Variants in ST3GAL3 observed in about 807,000 individuals in gnomAD.
ST3GAL3 encodes the protein CMP-N-acetylneuraminate-beta-1,4-galactoside alpha-2,3-sialyltransferase.
Under a neutral mutation model 50.1 loss-of-function variants are expected in ST3GAL3, and 21 were observed. The observed-to-expected ratio is 0.42, with a 90% CI of 0.30 to 0.60. The LOEUF (loss-of-function observed/expected upper bound fraction) is 0.60, where lower values mean the gene tolerates loss of function less well. Among genes scored for constraint, ST3GAL3 ranks in the 20% least tolerant of loss-of-function variants. The pLI is 0.19. For missense variants in ST3GAL3, 353 were observed against 489.4 expected (o/e 0.72, Z 2.63); for synonymous variants, 183 against 190.0 (o/e 0.96, Z 0.30).
At chr1:43,910,847 T>G (rs953509154) in intron 9 of ST3GAL3, among the ~76,000 whole-genome samples, 7 of 152,214 alleles carry the variant, frequency 4.6e-5, no homozygotes, top group African/African-American at 7.2e-5. Context: ...GCATCTGCCC[T>G]GGGCCCCACT....
intron 5 of ST3GAL3, among the ~76,000 whole-genome samples, chr1:43,878,844 A>G (rs1265069861): frequency 2.0e-5 from 3 of 152,172 alleles, no homozygotes; most frequent in Non-Finnish European, 4.4e-5. Context: ...TCACTTACCA[A>G]ATATTTATTC....
chr1:43,819,743 G>A (rs1021594463), intron 4 of ST3GAL3, among the ~76,000 whole-genome samples: 2 of 152,138 alleles, frequency 1.3e-5, no homozygotes, highest in African/African-American at 4.8e-5. Flanking sequence ...AGTGAGCATA[G>A]TACTCAACAG....
chr1:43,771,390 C>T lies in ST3GAL3; in HGVS notation c.119-20712C>T, dbSNP rs1695094578. Among the ~76,000 whole-genome samples the T allele has an allele frequency of 2.7e-5, 4 of 150,880 alleles. No homozygotes were observed. The South Asian group carries it at 8.3e-4, about 31-fold the overall frequency. On this transcript the variant is annotated intron_variant, in intron 2 of 11. Coordinates refer to ENST00000347631, the MANE Select transcript of ST3GAL3 (RefSeq NM_006279.5). Reference sequence around the variant, plus strand: ...TTTTTTTTTTTTGGAGACAGAGTCTCGCTGTCGCCCAGGCTGGAGTGCAGT... The same window carrying T: ...TTTTTTTTTTTTGGAGACAGAGTCTTGCTGTCGCCCAGGCTGGAGTGCAGT...
intron 2 of ST3GAL3, among the ~76,000 whole-genome samples, chr1:43,774,655 G>A (rs1228863683): frequency 1.3e-5 from 2 of 152,234 alleles, no homozygotes; most frequent in Non-Finnish European, 2.9e-5. Flanking sequence ...AAAGTCTGTT[G>A]TAGTTCTGTG....
chr1:43,729,645 G>T (rs1259801285), intron 1 of ST3GAL3, among the ~76,000 whole-genome samples: 2 of 152,120 alleles, frequency 1.3e-5, no homozygotes, highest in African/African-American at 4.8e-5. Flanking sequence ...CTGGTTTTTA[G>T]ATTATTTAGA....
At chr1:43,718,839 C>A (rs922958338) in intron 1 of ST3GAL3, among the ~76,000 whole-genome samples, 1 of 151,960 alleles carries the variant, frequency 6.6e-6, no homozygotes, top group Non-Finnish European at 1.5e-5. Context: ...AGGGGCCCAC[C>A]ACCACGCTTG....
At chr1:43,923,408 C>G (rs1415961750) in intron 11 of ST3GAL3, among the ~76,000 whole-genome samples, 1 of 152,086 alleles carries the variant, frequency 6.6e-6, no homozygotes, top group Non-Finnish European at 1.5e-5. Context: ...GGTTCTTAGC[C>G]CCTTCAGACT....
chr1:43,766,123 ACAGCTC>A (rs1692860446), intron 2 of ST3GAL3, among the ~76,000 whole-genome samples: 1 of 152,174 alleles, frequency 6.6e-6, no homozygotes, highest in Non-Finnish European at 1.5e-5. Flanking sequence ...AATAGCCCTG[ACAGCTC>A]CTTGCCCGGA....
intron 5 of ST3GAL3, among the ~76,000 whole-genome samples, chr1:43,844,195 A>G (rs986132792): frequency 5.9e-5 from 9 of 152,232 alleles, no homozygotes; most frequent in East Asian, 1.9e-4. Context: ...GGAGGCTTCT[A>G]TAAACCCTGT....
At chr1:43,799,882 C>T (rs1380665432) in intron 3 of ST3GAL3, among the ~76,000 whole-genome samples, 1 of 152,172 alleles carries the variant, frequency 6.6e-6, no homozygotes, top group Non-Finnish European at 1.5e-5. Context: ...ATGGCCCGGA[C>T]ACAGTTGATG....
At chr1:43,748,107 G>A (rs1684554004) in intron 2 of ST3GAL3, among the ~76,000 whole-genome samples, 1 of 151,988 alleles carries the variant, frequency 6.6e-6, no homozygotes, top group Admixed American at 6.6e-5. Context: ...CCCTGTCTCA[G>A]GAACTAGGAG....
At chr1:43,907,778 C>T (rs553129626) in intron 9 of ST3GAL3, among the ~76,000 whole-genome samples, 3 of 152,204 alleles carry the variant, frequency 2.0e-5, no homozygotes, top group African/African-American at 7.2e-5. Context: ...GGGTCCTCCT[C>T]TCACATCTAT....
Position 43,733,817 on chromosome 1 carries a change from C to T in ST3GAL3, c.-30-2416C>T, listed in dbSNP as rs6669306. Among the ~76,000 whole-genome samples, 729 of 152,328 alleles carry T rather than the reference C, an allele frequency of 4.8e-3. 6 individuals are homozygous for T. Among genetic ancestry groups the T allele is most frequent in the African/African-American group, 0.016 (685 of 41,558 alleles). ...TGACATATTTCAAATTGAATCTTCT[C>T]ACTTAAGAACCTCTTTCACCGGGCG... On this transcript the variant is annotated intron_variant, in intron 1 of 11. Coordinates refer to ENST00000347631, the MANE Select transcript of ST3GAL3 (RefSeq NM_006279.5).
intron 6 of ST3GAL3, among the ~76,000 whole-genome samples, chr1:43,894,730 T>C (rs1422032467): frequency 6.6e-6 from 1 of 151,896 alleles, no homozygotes; most frequent in Non-Finnish European, 1.5e-5. Context: ...TCTCCACCTT[T>C]AAGATCCTCC....
chr1:43,903,447 TCCTC>T (rs1259746048), intron 9 of ST3GAL3, among the ~76,000 whole-genome samples: 1 of 152,058 alleles, frequency 6.6e-6, no homozygotes, highest in Non-Finnish European at 1.5e-5. Context: ...TGCCTCCTCT[TCCTC>T]CTCCTCCTCC....
chr1:43,855,803 T>A (rs2068239388), intron 5 of ST3GAL3, among the ~76,000 whole-genome samples: 1 of 42,876 alleles, frequency 2.3e-5, no homozygotes, highest in African/African-American at 6.4e-5. Flanking sequence ...TTGATAAACA[T>A]AAAAACATTA....
At chr1:43,718,926 G>A (rs1376040308) in intron 1 of ST3GAL3, 2 of 152,200 alleles carry the variant, frequency 1.3e-5, no homozygotes, top group Non-Finnish European at 2.9e-5. Context: ...GACATCAGGT[G>A]ATCTGCCTGC....
chr1:43,874,747 C>T (rs1386542518), intron 5 of ST3GAL3, among the ~76,000 whole-genome samples: 1 of 152,144 alleles, frequency 6.6e-6, no homozygotes, highest in Non-Finnish European at 1.5e-5. Context: ...AGTAGTGATA[C>T]GCAGCTTGTA....
intron 5 of ST3GAL3, among the ~76,000 whole-genome samples, chr1:43,854,647 A>G (rs1289346689): frequency 6.6e-6 from 1 of 152,158 alleles, no homozygotes; most frequent in Non-Finnish European, 1.5e-5. Flanking sequence ...TGATCTCTAG[A>G]CCCAAATACC....
Sources: allele counts gnomAD v4.1 joint callset (sites outside exome capture counted in the v4.1 genomes callset), GRCh38; gene constraint gnomAD v4.1.1; transcripts MANE v1.5; gene names NCBI Gene and HGNC (gene_info 2026-07-23, HGNC 2026-07-21).